ESCO2: variants seen among roughly 807,000 people sequenced by gnomAD.
ESCO2 encodes establishment of sister chromatid cohesion N-acetyltransferase 2.
In ESCO2, 51 loss-of-function variants were observed where a neutral mutation model predicts 61.7. The ratio of observed to expected loss-of-function variants is 0.83; its 90% CI spans 0.66 to 1.04. The LOEUF is 1.04. Among genes scored for constraint, ESCO2 ranks in the 50% least tolerant of loss-of-function variants. ESCO2 has a pLI of 0.00. For missense variants in ESCO2, 692 were observed against 686.2 expected (o/e 1.01, Z -0.09); for synonymous variants, 230 against 238.2 (o/e 0.97, Z 0.32).
the ESCO2 span, among the ~76,000 whole-genome samples, chr8:27,817,982 A>G: frequency 6.6e-6 from 1 of 152,178 alleles, no homozygotes; most frequent in South Asian, 2.1e-4. Flanking sequence ...AATAATTTCA[A>G]TGTTTTAATA....
downstream of ESCO2, among the ~76,000 whole-genome samples, chr8:27,808,878 GGCAGTGCAT>G (rs1334919567): frequency 3.3e-5 from 5 of 152,128 alleles, no homozygotes; most frequent in African/African-American, 1.2e-4. Context: ...AGACTCAAGG[GGCAGTGCAT>G]GCTGGGATTA....
intron 9 of ESCO2, among the ~76,000 whole-genome samples, chr8:27,795,417 G>A (rs747945210): frequency 2.0e-4 from 31 of 152,034 alleles, no homozygotes; most frequent in Non-Finnish European, 4.1e-4. Flanking sequence ...AGTTTTTTTG[G>A]TGGAGGCTTT....
chr8:27,816,355 A>ATATT (rs576580735), downstream of ESCO2, among the ~76,000 whole-genome samples: 52 of 140,890 alleles, frequency 3.7e-4, 2 homozygotes, highest in African/African-American at 6.5e-4. Flanking sequence ...ATATATATAT[A>ATATT]TATTTATTTA....
In ESCO2 at chr8:27,780,265, C is replaced by T. The variant is rs780506917; in HGVS notation, c.953C>T (p.Thr318Ile). Residue 318 changes from threonine to isoleucine, a missense_variant and splice_region_variant, in exon 4 of 11, where the codon ACA (threonine) becomes ATA (isoleucine). Physicochemically the swap from Thr to Ile is moderately conservative, Grantham distance 89. Transcript: ENST00000305188. The part of the protein sequence containing the change: ...SSEDSLGENK[T>I]ISPKSTVYPI... ...GAGGATTCTCTTGGTGAGAATAAGA[C>T]AAGTAAGAGAAAACTCGCATGAATT... 3 of 1,584,078 alleles carry T rather than the reference C, an allele frequency of 1.9e-6. No homozygotes were observed. The highest frequency in any genetic ancestry group is 2.2e-5 in the East Asian group (1 of 44,586).
intron 10 of ESCO2, among the ~76,000 whole-genome samples, chr8:27,800,800 GAACCTTGA>G (rs1469154117): frequency 6.6e-6 from 1 of 152,210 alleles, no homozygotes; most frequent in Non-Finnish European, 1.5e-5. Flanking sequence ...CAACATGGAG[GAACCTTGA>G]AAACATTATG....
In ESCO2 at chr8:27,792,717, T is replaced by A; in HGVS notation, c.1403T>A (p.Val468Asp). ...GATAATGAATTGGGCTTCCAGCAAG[T>A]TGTTCCTAAATGTCCAAACAAAATA... Reference protein sequence around the residue: ...LVDNELGFQQVVPKCPNKIKT... With the variant: ...LVDNELGFQQDVPKCPNKIKT... The change falls in exon 9 of 11, where the codon GTT (valine) becomes GAT (aspartate). Residue 468 changes from valine to aspartate, a missense_variant. By Grantham distance (152) the Val-to-Asp change is radical. Transcript: ENST00000305188. 1 of 1,612,724 alleles carries A rather than the reference T, an allele frequency of 6.2e-7. No homozygotes were observed. Among genetic ancestry groups the A allele is most frequent in the Non-Finnish European group, 8.5e-7 (1 of 1,179,608 alleles).
In ESCO2 at chr8:27,797,007, G is replaced by A. The variant is rs1050715255; in HGVS notation, c.1498-2534G>A. On this transcript the variant is annotated intron_variant, in intron 9 of 10. Coordinates refer to ENST00000305188, the MANE Select transcript of ESCO2 (RefSeq NM_001017420.3). ...CATGCCTATAGTCACAGGTACCTAG[G>A]AGGCTGAGGCAGGAAGATTACTTGA... Among the ~76,000 whole-genome samples, 6 of 152,254 alleles carry A rather than the reference G, an allele frequency of 3.9e-5. No individual in the cohort carries two copies. In the East Asian group the frequency reaches 9.7e-4, roughly 25 times the overall value.
chr8:27,816,343 C>CTATATATATATATATATATATATATATA (rs767822258), downstream of ESCO2, among the ~76,000 whole-genome samples: 6 of 136,362 alleles, frequency 4.4e-5, no homozygotes, highest in African/African-American at 8.8e-5. Context: ...TCATCGAATA[C>CTATATATATATATATATATATATATATA]TATATATATA....
chr8:27,810,916 A>C, downstream of ESCO2: 1 of 1,225,340 alleles, frequency 8.2e-7, no homozygotes. Flanking sequence ...CTTTAGTGTG[A>C]AATGAAGAGA....
At chr8:27,789,545 C>G (rs946918090) in intron 7 of ESCO2, among the ~76,000 whole-genome samples, 7 of 152,020 alleles carry the variant, frequency 4.6e-5, no homozygotes, top group East Asian at 1.9e-4. Context: ...TTTGGGAGGC[C>G]GAGGTGGGTG....
chr8:27,809,263 T>G (rs755507425), downstream of ESCO2, among the ~76,000 whole-genome samples: 25 of 152,336 alleles, frequency 1.6e-4, no homozygotes, highest in Non-Finnish European at 3.4e-4. Context: ...ATTATTTTGA[T>G]GGAATATATG....
At chr8:27,802,630 A>AAAATAT (rs1554557661) in intron 10 of ESCO2, among the ~76,000 whole-genome samples, 6 of 45,834 alleles carry the variant, frequency 1.3e-4, no homozygotes, top group East Asian at 1.1e-3. Flanking sequence ...AAAAAAAAAA[A>AAAATAT]ATATATATAT....
At position 27,776,709 on chromosome 8, in the gene ESCO2, A is replaced by G; in HGVS notation, c.401A>G (p.Lys134Arg). Residue 134 changes from lysine to arginine, a missense_variant, in exon 3 of 11, where the codon AAG becomes AGG. Transcript: ENST00000305188. ...EKMQGKPVCS[K>R]KNNKKPQKSL... The stretch of plus-strand genomic sequence containing the variant: ...ATGCAAGGAAAACCAGTCTGCTCCA[A>G]GAAGAACAACAAAAAACCACAGAAG... The G allele has an allele frequency of 1.2e-6, 2 of 1,613,926 alleles. No individual in the cohort carries two copies. The highest frequency in any genetic ancestry group is 1.6e-4 in the Middle Eastern group (1 of 6,062).
chr8:27,804,796 A>G lies in ESCO2; in HGVS notation c.*1358A>G, dbSNP rs1055049317. 7.2e-6 allele frequency: 7 copies of G among 971,410 alleles called. No homozygotes were observed. Among genetic ancestry groups the G allele is most frequent in the South Asian group, 9.5e-5 (2 of 21,016 alleles). 60.2% of individuals were successfully genotyped at this position (971,410 alleles called of 1,614,324 possible). On this transcript the variant is annotated 3_prime_UTR_variant, in exon 11 of 11. Coordinates refer to ENST00000305188, the MANE Select transcript of ESCO2 (RefSeq NM_001017420.3). ...GTAATTATGCAAACATTTTAATGCT[A>G]TTTTCTGCACTTATTTCTTTTAAAT...
At chr8:27,816,556 T>C (rs1805819012), downstream of ESCO2, among the ~76,000 whole-genome samples, 1 of 151,636 alleles carries the variant, frequency 6.6e-6, no homozygotes, top group African/African-American at 2.4e-5. Context: ...TTTTGTATTT[T>C]TAGTAGAGAC....
chr8:27,778,950 C>T (rs1804862203), intron 3 of ESCO2: 2 of 152,296 alleles, frequency 1.3e-5, no homozygotes, highest in African/African-American at 4.8e-5. Context: ...GAGTCTCACT[C>T]CGTTGCCCAG....
upstream of ESCO2, among the ~76,000 whole-genome samples, chr8:27,773,261 A>AAG (rs1563466173): frequency 6.6e-6 from 1 of 152,168 alleles, no homozygotes; most frequent in Admixed American, 6.5e-5. Context: ...CTACTAACCT[A>AAG]ACACTGCCAC....
In ESCO2 at chr8:27,805,247, G is replaced by C. The variant is rs1447626683; in HGVS notation, c.*1809G>C. On this transcript the variant is annotated 3_prime_UTR_variant, in exon 11 of 11. Transcript: ENST00000305188. Reference sequence around the variant, plus strand: ...AGTGAGCCGAGATTGCGCCACTGCAGTCCGCAGTCCGGCCTGGGCGACAGA... The same window carrying C: ...AGTGAGCCGAGATTGCGCCACTGCACTCCGCAGTCCGGCCTGGGCGACAGA... The C allele has an allele frequency of 2.3e-5, 2 of 88,312 alleles. No homozygotes were observed. Among genetic ancestry groups the C allele is most frequent in the Non-Finnish European group, 3.9e-5 (2 of 50,910 alleles). 5.5% of individuals were successfully genotyped at this position (88,312 alleles called of 1,614,324 possible). A position where few individuals can be genotyped will look rare whatever the true frequency, so the allele number is the denominator to read the frequency against.
Position 27,803,631 on chromosome 8 carries a change from A to AATT in ESCO2, c.*196_*198dup. ...AAAAGTCAGGAATAAATTTGTTGAA[A>AATT]ATTATCTGGGGATTCAAAGGAAAAA... On this transcript the variant is annotated 3_prime_UTR_variant, in exon 11 of 11. Coordinates refer to ENST00000305188, the MANE Select transcript of ESCO2 (RefSeq NM_001017420.3). The AATT allele has an allele frequency of 7.3e-7, 1 of 1,362,408 alleles. No individual in the cohort carries two copies. Among genetic ancestry groups the AATT allele is most frequent in the Non-Finnish European group, 9.4e-7 (1 of 1,064,132 alleles). 84.4% of individuals were successfully genotyped at this position (1,362,408 alleles called of 1,614,324 possible).
Sources: allele counts gnomAD v4.1 joint callset (sites outside exome capture counted in the v4.1 genomes callset), GRCh38; gene constraint gnomAD v4.1.1; transcripts MANE v1.5; gene names NCBI Gene and HGNC (gene_info 2026-07-23, HGNC 2026-07-21).